CNTNAP5: variants seen among roughly 807,000 people sequenced by gnomAD.
CNTNAP5 encodes contactin associated protein family member 5, also known as contactin-associated protein-like 5.
CNTNAP5 carries 72 observed loss-of-function variants against 150.2 expected under a neutral mutation model. The ratio of observed to expected loss-of-function variants is 0.48; its 90% CI spans 0.40 to 0.58. The LOEUF (loss-of-function observed/expected upper bound fraction) is 0.58. Among genes scored for constraint, CNTNAP5 ranks in the 20% least tolerant of loss-of-function variants. The pLI, the probability that CNTNAP5 is intolerant of heterozygous loss-of-function variation, is 0.00. For missense variants in CNTNAP5, 1,636 were observed against 1,626.2 expected, an observed-to-expected ratio of 1.01 and a Z score of -0.10; for synonymous variants, 672 against 619.8, an observed-to-expected ratio of 1.08 and a Z score of -1.25.
intron 9 of CNTNAP5, among the ~76,000 whole-genome samples, chr2:124,525,884 A>G (rs972775462): frequency 1.3e-5 from 2 of 152,226 alleles, no homozygotes; most frequent in African/African-American, 4.8e-5. Flanking sequence ...CATAGAGCTC[A>G]TGAATTCAAT....
chr2:124,119,171 C>G (rs372594242), intron 1 of CNTNAP5, among the ~76,000 whole-genome samples: 2 of 152,224 alleles, frequency 1.3e-5, no homozygotes, highest in South Asian at 4.1e-4. Flanking sequence ...TCCTGACTAC[C>G]TAGAAAGAAG....
chr2:124,194,999 C>A (rs1685550687), intron 1 of CNTNAP5, among the ~76,000 whole-genome samples: 1 of 151,514 alleles, frequency 6.6e-6, no homozygotes. Context: ...GAAAACTACA[C>A]CAATAGAAAA....
At chr2:124,090,756 T>C (rs2104685777) in intron 1 of CNTNAP5, among the ~76,000 whole-genome samples, 1 of 152,310 alleles carries the variant, frequency 6.6e-6, no homozygotes, top group East Asian at 1.9e-4. Flanking sequence ...TTTTGTTATC[T>C]TTAAGGAAAA....
intron 1 of CNTNAP5, among the ~76,000 whole-genome samples, chr2:124,084,924 G>GTTTTTTTTTTTTT (rs71394021): frequency 0.055 from 4,917 of 89,974 alleles, 1,079 homozygotes; most frequent in Middle Eastern, 0.11. Flanking sequence ...CAAGTTTCCT[G>GTTTTTTTTTTTTT]TTTTTTTTTT....
At chr2:124,731,688 A>G (rs1165698315) in intron 13 of CNTNAP5, among the ~76,000 whole-genome samples, 1 of 151,874 alleles carries the variant, frequency 6.6e-6, no homozygotes, top group Non-Finnish European at 1.5e-5. Flanking sequence ...GGGTAAGAAA[A>G]ATCATATAGG....
chr2:124,127,761 C>A (rs1291800929), intron 1 of CNTNAP5, among the ~76,000 whole-genome samples: 1 of 152,130 alleles, frequency 6.6e-6, no homozygotes, highest in Non-Finnish European at 1.5e-5. Context: ...TACCACACAC[C>A]TACAACCATT....
At position 124,242,207 on chromosome 2, in the gene CNTNAP5, C is replaced by A. The variant is rs146843368; in HGVS notation, c.195C>A (p.Gly65=). The change falls in exon 3 of 24, where the codon GGC becomes GGA. Residue 65 remains glycine, a synonymous_variant. Coordinates refer to ENST00000682447, the MANE Select transcript of CNTNAP5 (RefSeq NM_001367498.1). ...TCTCTGATCCTGTTCCAGGAACTGGCGGTTGGTCCCCAGCAGATTCCAATG... is the reference window on the plus strand; with the variant it reads ...TCTCTGATCCTGTTCCAGGAACTGGAGGTTGGTCCCCAGCAGATTCCAATG... ...PAQLNWRVGT[G]GWSPADSNAQ... 1.3e-6 allele frequency: 2 copies of A among 1,585,958 alleles called. No homozygotes were observed. Among genetic ancestry groups the A allele is most frequent in the Admixed American group, 1.8e-5 (1 of 55,766 alleles).
At chr2:124,877,937 CAGGGAGATAAGTACCATTCTT>C (rs1677892918) in intron 21 of CNTNAP5, among the ~76,000 whole-genome samples, 1 of 151,954 alleles carries the variant, frequency 6.6e-6, no homozygotes, top group Non-Finnish European at 1.5e-5. Context: ...GGTCATTACC[CAGGGAGATAAGTACCATTCTT>C]ATTTCTATTT....
intron 10 of CNTNAP5, among the ~76,000 whole-genome samples, chr2:124,535,536 G>A (rs1191117435): frequency 1.3e-5 from 2 of 151,352 alleles, no homozygotes; most frequent in Non-Finnish European, 2.9e-5. Context: ...GGCCAAGAAG[G>A]GCGGATCACA....
At position 124,653,001 on chromosome 2, in the gene CNTNAP5, G is replaced by A. The variant is rs10191003; in HGVS notation, c.2077+5043G>A. 1.6e-3 allele frequency among the ~76,000 whole-genome samples: 248 copies of A among 152,282 alleles called. 1 individual carries two copies. The highest frequency in any genetic ancestry group is 5.8e-3 in the African/African-American group (243 of 41,558). On this transcript the variant is annotated intron_variant, in intron 13 of 23. Coordinates refer to ENST00000682447, the MANE Select transcript of CNTNAP5 (RefSeq NM_001367498.1). The stretch of plus-strand genomic sequence containing the variant: ...AGCTGGAATTTACTTTGATTTTTCT[G>A]AACAGAAAGCATTTGCGGAGCAAAT...
At chr2:124,902,031 C>G (rs1333311109) in intron 21 of CNTNAP5, among the ~76,000 whole-genome samples, 1 of 152,004 alleles carries the variant, frequency 6.6e-6, no homozygotes, top group Admixed American at 6.6e-5. Context: ...AATAAATAAC[C>G]ATCTCGGTAC....
At chr2:124,741,875 A>G (rs1680504444) in intron 13 of CNTNAP5, among the ~76,000 whole-genome samples, 1 of 151,882 alleles carries the variant, frequency 6.6e-6, no homozygotes, top group Admixed American at 6.6e-5. Context: ...CCCCAAACTT[A>G]CACTCTCTTT....
intron 11 of CNTNAP5, among the ~76,000 whole-genome samples, chr2:124,574,116 G>T (rs948832118): frequency 2.6e-5 from 4 of 152,112 alleles, no homozygotes; most frequent in African/African-American, 9.7e-5. Flanking sequence ...ATAGAGGTTA[G>T]GTTTTGGCAT....
intron 18 of CNTNAP5, among the ~76,000 whole-genome samples, chr2:124,796,156 G>A (rs542093011): frequency 1.4e-4 from 22 of 152,108 alleles, no homozygotes; most frequent in African/African-American, 4.3e-4. Context: ...ACTAGAACTG[G>A]GGCTGGAGGA....
chr2:124,538,060 G>A (rs1233906606), intron 10 of CNTNAP5, among the ~76,000 whole-genome samples: 4 of 152,304 alleles, frequency 2.6e-5, no homozygotes, highest in African/African-American at 9.6e-5. Flanking sequence ...TTCCAAAGAC[G>A]AGGAGTTCAT....
At chr2:124,187,043 G>A (rs554224079) in intron 1 of CNTNAP5, among the ~76,000 whole-genome samples, 1 of 152,168 alleles carries the variant, frequency 6.6e-6, no homozygotes, top group Admixed American at 6.5e-5. Flanking sequence ...AGAAACAAAA[G>A]AAATGAAAGC....
intron 3 of CNTNAP5, among the ~76,000 whole-genome samples, chr2:124,397,971 T>C (rs942809029): frequency 6.6e-6 from 1 of 152,228 alleles, no homozygotes; most frequent in Non-Finnish European, 1.5e-5. Flanking sequence ...TCATGATAAC[T>C]GATACCTGAG....
intron 10 of CNTNAP5, among the ~76,000 whole-genome samples, chr2:124,540,030 A>T (rs2104904894): frequency 6.6e-6 from 1 of 152,286 alleles, no homozygotes; most frequent in Middle Eastern, 3.4e-3. Flanking sequence ...GGGAACACAC[A>T]GAGCTAAAAC....
intron 3 of CNTNAP5, among the ~76,000 whole-genome samples, chr2:124,264,485 C>A (rs1248288004): frequency 6.6e-6 from 1 of 151,756 alleles, no homozygotes; most frequent in Non-Finnish European, 1.5e-5. Flanking sequence ...AGAACTCGGA[C>A]AGTTGATCCT....
Sources: gnomAD v4.1 joint callset for allele counts (sites outside exome capture counted in the v4.1 genomes callset) on GRCh38, gnomAD v4.1.1 for gene constraint, MANE v1.5 for transcripts, NCBI Gene and HGNC (gene_info 2026-07-23, HGNC 2026-07-21) for gene names.